PTPRN2: variants seen among roughly 807,000 people sequenced by gnomAD.
PTPRN2 encodes the protein receptor-type tyrosine-protein phosphatase N2.
Under a neutral mutation model 118.8 loss-of-function variants are expected in PTPRN2, and 74 were observed. The ratio of observed to expected loss-of-function variants is 0.62; its 90% confidence interval spans 0.52 to 0.76. The LOEUF is 0.76. Ranked by LOEUF, PTPRN2 falls within the 30% of genes least tolerant of loss-of-function variation. PTPRN2 has a pLI of 0.00. For synonymous variants in PTPRN2, 641 were observed against 608.0 expected (o/e 1.05, Z -0.80); for missense variants, 1,481 against 1,394.4 (o/e 1.06, Z -0.99).
In PTPRN2 at chr7:158,253,918, T is replaced by C. The variant is rs562568821; in HGVS notation, c.278-48645A>G. Among the ~76,000 whole-genome samples the C allele has an allele frequency of 7.4e-5, 8 of 107,724 alleles. 1 individual carries two copies. In the East Asian group the frequency reaches 2.6e-3, roughly 34 times the overall value. 70.7% of individuals were successfully genotyped at this position (107,724 alleles called of 152,430 possible). A position where few individuals can be genotyped will look rare whatever the true frequency, so the allele number is the denominator to read the frequency against. ...TGCCCACGGCACGACCCGCCCTCCA[T>C]CTCTACGTTCAGGAGCATCCCTGTA... On this transcript the variant is annotated intron_variant, in intron 3 of 22. Transcript: ENST00000389418.
At chr7:158,411,690 G>A (rs751685501) in intron 2 of PTPRN2, among the ~76,000 whole-genome samples, 11 of 152,218 alleles carry the variant, frequency 7.2e-5, no homozygotes, top group African/African-American at 1.9e-4. Context: ...AACGCCAATG[G>A]AGGTGGAAGG....
At chr7:158,141,378 G>T (rs111588772) in intron 6 of PTPRN2, among the ~76,000 whole-genome samples, 1 of 152,140 alleles carries the variant, frequency 6.6e-6, no homozygotes, top group African/African-American at 2.4e-5. Flanking sequence ...TCTCCACAGC[G>T]CAGGCTGTGT....
chr7:158,020,491 TTTGG>T (rs1806791478), intron 11 of PTPRN2, among the ~76,000 whole-genome samples: 1 of 151,938 alleles, frequency 6.6e-6, no homozygotes, highest in Admixed American at 6.6e-5. Context: ...AGAAGTGGGG[TTTGG>T]CCTGCATCCT....
chr7:157,651,781 T>G (rs1483125785), intron 14 of PTPRN2, among the ~76,000 whole-genome samples: 1 of 152,260 alleles, frequency 6.6e-6, no homozygotes, highest in African/African-American at 2.4e-5. Context: ...CGAAGTCGCC[T>G]TCATCACGTC....
intron 2 of PTPRN2, among the ~76,000 whole-genome samples, chr7:158,340,544 G>A (rs1373684441): frequency 5.3e-5 from 6 of 114,170 alleles, no homozygotes; most frequent in African/African-American, 9.8e-5. Flanking sequence ...GCTGTCGCCC[G>A]CAGAGGTCAC....
chr7:157,880,439 C>G (rs1796044966), intron 12 of PTPRN2, among the ~76,000 whole-genome samples: 1 of 152,234 alleles, frequency 6.6e-6, no homozygotes, highest in African/African-American at 2.4e-5. Context: ...TTTTTAGGGT[C>G]CCCGTGCTAG....
chr7:158,342,985 G>A (rs773036701), intron 2 of PTPRN2, among the ~76,000 whole-genome samples: 9 of 152,214 alleles, frequency 5.9e-5, no homozygotes, highest in Admixed American at 1.3e-4. Flanking sequence ...CCAGCTCTGC[G>A]TTGCAGTGAG....
chr7:158,164,350 G>T (rs1177559451), intron 6 of PTPRN2, among the ~76,000 whole-genome samples: 1 of 135,182 alleles, frequency 7.4e-6, no homozygotes, highest in Non-Finnish European at 1.6e-5. Flanking sequence ...GGAGTGGCGC[G>T]TAAGAAGGGC....
intron 1 of PTPRN2, among the ~76,000 whole-genome samples, chr7:158,545,508 G>A (rs1586914932): frequency 6.6e-6 from 1 of 152,188 alleles, no homozygotes; most frequent in Admixed American, 6.5e-5. Context: ...ACCCTGAGCA[G>A]CCGTCTGCGG....
At chr7:158,447,755 G>A (rs975128617) in intron 2 of PTPRN2, among the ~76,000 whole-genome samples, 12 of 152,246 alleles carry the variant, frequency 7.9e-5, no homozygotes, top group Non-Finnish European at 1.5e-4. Flanking sequence ...AGGCTGCCCC[G>A]TAGCCAGGGA....
chr7:158,393,279 G>A lies in PTPRN2; in HGVS notation c.164-76347C>T, dbSNP rs74940254. On this transcript the variant is annotated intron_variant, in intron 2 of 22. Transcript: ENST00000389418. ...AACATCCAAGAGACTCAAATGCTGC[G>A]TGATAAATTTAGAAAGGTCAAGTGT... is the stretch of plus-strand genomic sequence containing the variant. Among the ~76,000 whole-genome samples, 75 of 152,322 alleles carry A rather than the reference G, an allele frequency of 4.9e-4. No individual in the cohort carries two copies. The East Asian group carries it at 5.6e-3, about 11-fold the overall frequency.
chr7:158,468,556 C>A (rs1819550105), intron 2 of PTPRN2, among the ~76,000 whole-genome samples: 1 of 152,114 alleles, frequency 6.6e-6, no homozygotes, highest in Non-Finnish European at 1.5e-5. Flanking sequence ...TTTTTCAAAG[C>A]TTCCAGGTGT....
chr7:157,797,183 C>A (rs887395613), intron 12 of PTPRN2, among the ~76,000 whole-genome samples: 9 of 152,194 alleles, frequency 5.9e-5, no homozygotes, highest in African/African-American at 2.2e-4. Flanking sequence ...TCAGGTTTCT[C>A]TGCAATATGT....
rs1488765543 is a variant in PTPRN2 at position 157,763,710 on chromosome 7, T to C, written c.1789-80773A>G. On this transcript the variant is annotated intron_variant, in intron 12 of 22. Coordinates refer to ENST00000389418, the MANE Select transcript of PTPRN2 (RefSeq NM_002847.5). The surrounding 1 kb of genome is among the most constrained non-coding windows in gnomAD (Gnocchi z 4.9). ...TCCTCCCTTGGATGCTGAGGGCTGGTGGCTGGTCCTCTCTTCGCAGTGCAG... is the reference window on the plus strand; with the variant it reads ...TCCTCCCTTGGATGCTGAGGGCTGGCGGCTGGTCCTCTCTTCGCAGTGCAG... 3.3e-5 allele frequency among the ~76,000 whole-genome samples: 5 copies of C among 152,032 alleles called. No individual in the cohort carries two copies. The highest frequency in any genetic ancestry group is 7.3e-5 in the Non-Finnish European group (5 of 68,034).
At chr7:157,786,249 T>C (rs1281295816) in intron 12 of PTPRN2, among the ~76,000 whole-genome samples, 1 of 152,254 alleles carries the variant, frequency 6.6e-6, no homozygotes. Context: ...ACCGTTCACG[T>C]ATCCTGGCTT....
chr7:158,269,809 GAGAC>G lies in PTPRN2; in HGVS notation c.277+47006_277+47009del, dbSNP rs1798173519. On this transcript the variant is annotated intron_variant, in intron 3 of 22. Coordinates refer to ENST00000389418, the MANE Select transcript of PTPRN2 (RefSeq NM_002847.5). ...AGACAAAGGGAGCAGGAGAGGGACA[GAGAC>G]AGAGATAGAAAGAGACAGAGGGATA... Among the ~76,000 whole-genome samples the G allele has an allele frequency of 4.6e-5, 7 of 152,170 alleles. No homozygotes were observed. In the South Asian group the frequency reaches 1.5e-3, roughly 32 times the overall value.
In PTPRN2 at chr7:157,586,757, C is replaced by T. The variant is rs377737365; in HGVS notation, c.2496+8481G>A. ...GTCTGTCCTGGATGCTCAGGGTCCC[C>T]GCTGTTGGACACTCGGTCTGTCCGG... On this transcript the variant is annotated intron_variant, in intron 17 of 22. Coordinates refer to ENST00000389418, the MANE Select transcript of PTPRN2 (RefSeq NM_002847.5). Among the ~76,000 whole-genome samples the T allele has an allele frequency of 3.9e-5, 6 of 152,134 alleles. No individual in the cohort carries two copies. The East Asian group carries it at 1.2e-3, about 29-fold the overall frequency.
At chr7:157,637,918 T>A (rs1205968391) in intron 14 of PTPRN2, among the ~76,000 whole-genome samples, 2 of 152,238 alleles carry the variant, frequency 1.3e-5, no homozygotes, top group Non-Finnish European at 2.9e-5. Context: ...GCTGTAAAGG[T>A]TACTTAGGAC....
chr7:157,540,862 A>C, intron 22 of PTPRN2, 77 bp from the exon 23 acceptor site: 1 of 1,224,536 alleles, frequency 8.2e-7, no homozygotes, highest in Non-Finnish European at 1.2e-6. Context: ...GGCTCCCTGC[A>C]GATGAAAGCG....
Sources: allele counts gnomAD v4.1 joint callset (sites outside exome capture counted in the v4.1 genomes callset), GRCh38; gene constraint gnomAD v4.1.1; non-coding constraint Gnocchi (gnomAD v3.1); transcripts MANE v1.5; gene names NCBI Gene and HGNC (gene_info 2026-07-23, HGNC 2026-07-21).